H2BC18: variants seen among roughly 807,000 people sequenced by gnomAD.
The protein encoded by H2BC18 is H2B clustered histone 18.
A neutral mutation model predicts 6.3 loss-of-function variants in H2BC18; 8 were observed. That is an observed-to-expected ratio of 1.28 (90% CI 0.75 to 2.31). The LOEUF is 2.31. H2BC18 is among the 30% of genes most tolerant of loss of function. The probability of loss-of-function intolerance (pLI) is 0.00; values close to 1 mark genes in which losing one functional copy is unlikely to be tolerated. For missense variants in H2BC18, 106 were observed against 174.5 expected, an observed-to-expected ratio of 0.61 and a Z score of 2.21; for synonymous variants, 104 against 78.1, an observed-to-expected ratio of 1.33 and a Z score of -1.75.
intron 1 of H2BC18, chr1:149,803,534 C>T (rs2091892105): frequency 6.6e-6 from 1 of 152,130 alleles, no homozygotes; most frequent in Non-Finnish European, 1.5e-5. Context: ...CTCTCTCCCC[C>T]TCTCTTTCTG....
chr1:149,794,017 C>A, intron 1 of H2BC18: 1 of 729,860 alleles, frequency 1.4e-6, no homozygotes, highest in South Asian at 1.4e-5. Flanking sequence ...GGAGGTATAG[C>A]TGACAGCTGG....
downstream of H2BC18, among the ~76,000 whole-genome samples, chr1:149,807,512 G>C (rs1448424695): frequency 3.2e-4 from 4 of 12,424 alleles, no homozygotes; most frequent in African/African-American, 1.0e-3. Context: ...AAGGCATGGC[G>C]GGGGGGGGGG....
rs1337780353 is a variant in H2BC18 at position 149,802,113 on chromosome 1, G to A, written c.377+9834C>T. ...CTATAGATGCTTGCTGTTTCAGGGG[G>A]GCAGGCGGGAGTTATTTAAGAATAA... On this transcript the variant is annotated intron_variant, in intron 1 of 1. Coordinates refer to the H2BC18 transcript ENST00000545683. Among the ~76,000 whole-genome samples the A allele has an allele frequency of 1.3e-5, 2 of 151,960 alleles. 1 individual carries two copies. The highest frequency in any genetic ancestry group is 3.9e-4 in the East Asian group (2 of 5,194).
downstream of H2BC18, among the ~76,000 whole-genome samples, chr1:149,809,433 G>C (rs2091951833): frequency 6.6e-6 from 1 of 151,908 alleles, no homozygotes; most frequent in Non-Finnish European, 1.5e-5. Flanking sequence ...AGTATCCATA[G>C]TAAAGGAGTA....
intron 1 of H2BC18, chr1:149,790,313 C>G (rs1229685958): frequency 1.3e-6 from 2 of 1,588,808 alleles, no homozygotes; most frequent in South Asian, 1.1e-5. Flanking sequence ...TTAAGCGCAG[C>G]CCTGAGTTGG....
chr1:149,808,380 C>T (rs1553754096), downstream of H2BC18, among the ~76,000 whole-genome samples: 1 of 152,132 alleles, frequency 6.6e-6, no homozygotes, highest in Admixed American at 6.5e-5. Context: ...CCAGAGGCAA[C>T]CTTTCACTCT....
At chr1:149,800,324 C>T (rs2091853142) in intron 1 of H2BC18, among the ~76,000 whole-genome samples, 1 of 152,124 alleles carries the variant, frequency 6.6e-6, no homozygotes, top group Non-Finnish European at 1.5e-5. Flanking sequence ...TATGGAGGCT[C>T]CATTGCATAG....
intron 1 of H2BC18, chr1:149,790,113 C>A (rs1175057007): frequency 6.2e-7 from 1 of 1,613,908 alleles, no homozygotes; most frequent in Non-Finnish European, 8.5e-7. Context: ...GGAGGGGAAT[C>A]TGGTCACCCT....
chr1:149,797,556 C>T (rs1175566765), intron 1 of H2BC18, among the ~76,000 whole-genome samples: 1 of 152,106 alleles, frequency 6.6e-6, no homozygotes, highest in East Asian at 1.9e-4. Context: ...TTTCATCTTA[C>T]TTTATGCCTT....
intron 1 of H2BC18, among the ~76,000 whole-genome samples, chr1:149,798,755 G>C (rs2091828303): frequency 6.6e-6 from 1 of 152,106 alleles, no homozygotes; most frequent in African/African-American, 2.4e-5. Flanking sequence ...GGGACTACAG[G>C]TGCATGTAAC....
rs782767619 is a variant in H2BC18 at position 149,792,979 on chromosome 1, C to T, written c.378-9719G>A. The T allele has an allele frequency of 4.7e-6, 6 of 1,276,172 alleles. No homozygotes were observed. In the East Asian group the frequency reaches 2.3e-4, roughly 49 times the overall value. 79.1% of individuals were successfully genotyped at this position (1,276,172 alleles called of 1,614,324 possible). A position where few individuals can be genotyped will look rare whatever the true frequency, so the allele number is the denominator to read the frequency against. On this transcript the variant is annotated intron_variant, in intron 1 of 1. Coordinates refer to the H2BC18 transcript ENST00000545683. ...GGAAGTTCGGTAGTCTGCGAGGGCC[C>T]GCGGCCTCCCCAGGCGCGTAGCTGA...
chr1:149,791,150 C>T (rs1553751790), intron 1 of H2BC18: 1 of 1,601,918 alleles, frequency 6.2e-7, no homozygotes, highest in African/African-American at 1.3e-5. Flanking sequence ...CATCAGGTCT[C>T]AGCCAACCTT....
At chr1:149,793,987 C>T in intron 1 of H2BC18, 1 of 946,800 alleles carries the variant, frequency 1.1e-6, no homozygotes, top group Non-Finnish European at 1.5e-6. Context: ...GCGATTCCAG[C>T]CCTGAGAACC....
At position 149,811,964 on chromosome 1, in the gene H2BC18, G is replaced by A. The variant is rs199714079; in HGVS notation, c.360C>T (p.Thr120=). Residue 120 remains threonine (T), a synonymous_variant, in exon 1 of 1, where the codon ACC becomes ACT. Transcript: ENST00000369167. ...HAVSEGTKAV[T]KYTSSK ...ACTCTTACTTCGAGCTGGTGTACTT[G>A]GTGACCGCCTTGGTGCCCTCGGACA... 155 of 1,613,430 alleles carry A rather than the reference G, an allele frequency of 9.6e-5. No individual in the cohort carries two copies. The Middle Eastern group carries it at 1.3e-3, about 14-fold the overall frequency.
intron 1 of H2BC18, among the ~76,000 whole-genome samples, chr1:149,800,996 G>A (rs1553753281): frequency 1.3e-5 from 2 of 152,192 alleles, no homozygotes; most frequent in African/African-American, 2.4e-5. Flanking sequence ...TGAGGTGGGA[G>A]GAGAGCTTGA....
chr1:149,792,410 G>A, intron 1 of H2BC18: 1 of 631,340 alleles, frequency 1.6e-6, no homozygotes, highest in Non-Finnish European at 2.1e-6. Context: ...CTGTAGTTTG[G>A]AGACAAAATA....
At chr1:149,808,120 A>C (rs2101493924), downstream of H2BC18, among the ~76,000 whole-genome samples, 1 of 151,594 alleles carries the variant, frequency 6.6e-6, no homozygotes, top group Admixed American at 6.5e-5. Context: ...ACCTCTAATC[A>C]CAGAATAAAA....
chr1:149,788,582 G>T (rs658160), intron 1 of H2BC18: 5 of 1,613,834 alleles, frequency 3.1e-6, no homozygotes, highest in East Asian at 2.2e-5. Context: ...GGAAAGCATC[G>T]CTACACATCA....
At chr1:149,801,833 A>G (rs6587602) in intron 1 of H2BC18, among the ~76,000 whole-genome samples, 4,965 of 151,318 alleles carry the variant, frequency 0.033, 56 homozygotes, top group African/African-American at 0.11. Context: ...GAACAGTCAC[A>G]GTTCTGTTTC....
Sources: gnomAD v4.1 joint callset for allele counts (sites outside exome capture counted in the v4.1 genomes callset) on GRCh38, gnomAD v4.1.1 for gene constraint, MANE v1.5 for transcripts, NCBI Gene and HGNC (gene_info 2026-07-23, HGNC 2026-07-21) for gene names.